The following RMDN3 variants were observed in gnomAD, a reference collection of about 807,000 sequenced individuals.
RMDN3 encodes the protein regulator of microtubule dynamics 3.
A neutral mutation model predicts 61.8 loss-of-function variants in RMDN3; 41 were observed. That is an observed-to-expected ratio of 0.66 (90% CI 0.52 to 0.86). RMDN3 has a LOEUF of 0.86. Ranked by LOEUF, RMDN3 falls within the 40% of genes least tolerant of loss-of-function variation. RMDN3 has a pLI of 0.00. For missense variants in RMDN3, 557 were observed against 585.3 expected, an observed-to-expected ratio of 0.95 and a Z score of 0.50; for synonymous variants, 247 against 232.0, an observed-to-expected ratio of 1.06 and a Z score of -0.59.
intron 5 of RMDN3, among the ~76,000 whole-genome samples, chr15:40,744,696 T>G (rs1036598231): frequency 6.6e-6 from 1 of 151,614 alleles, no homozygotes; most frequent in Non-Finnish European, 1.5e-5. Flanking sequence ...TAGAGCTCTT[T>G]CTGCAGTAGC....
intron 5 of RMDN3, 85 bp downstream of exon 5, chr15:40,744,892 C>CAATGT: frequency 7.1e-7 from 1 of 1,403,100 alleles, no homozygotes; most frequent in Non-Finnish European, 9.5e-7. Flanking sequence ...GCAGTAACCA[C>CAATGT]ACGGGCCTTC....
intron 6 of RMDN3, among the ~76,000 whole-genome samples, chr15:40,741,256 C>G (rs547523296): frequency 1.3e-5 from 2 of 152,088 alleles, no homozygotes; most frequent in East Asian, 3.9e-4. Flanking sequence ...ACCTGTAATC[C>G]TAGAACTTTG....
At chr15:40,740,108 C>A (rs139418925) in intron 7 of RMDN3, 25 bp downstream of exon 7, 2 of 1,551,900 alleles carry the variant, frequency 1.3e-6, no homozygotes, top group East Asian at 2.2e-5. Context: ...CTGGCTCTTC[C>A]CAGAACACTG....
At chr15:40,744,492 CTAACTTCTGGGG>C (rs1167500889) in intron 5 of RMDN3, among the ~76,000 whole-genome samples, 1 of 148,452 alleles carries the variant, frequency 6.7e-6, no homozygotes, top group Non-Finnish European at 1.5e-5. Context: ...AGGGAAACTT[CTAACTTCTGGGG>C]GGGGGGCATT....
chr15:40,735,898 T>G lies in RMDN3; in HGVS notation c.*643A>C, dbSNP rs556220109. 34 of 152,314 alleles carry G rather than the reference T, an allele frequency of 2.2e-4. No homozygotes were observed. The highest frequency in any genetic ancestry group is 7.9e-4 in the African/African-American group (33 of 41,568). The allele number at this position is 152,314 out of a possible 1,614,324, so 9.4% of individuals were successfully genotyped here. On this transcript the variant is annotated 3_prime_UTR_variant, in exon 13 of 13. Transcript: ENST00000338376. ...GAATAAAGAGCTGATAACATCAAAT[T>G]TGGTTTATTTCAAGTTTGTAACAAA...
rs1284700003 is a variant in RMDN3 at position 40,737,632 on chromosome 15, A to G, written c.1220T>C (p.Leu407Pro). Residue 407 changes from leucine (L) to proline (P), a missense_variant, in exon 10 of 13, where the codon CTA becomes CCA. By Grantham distance (98) the Leu-to-Pro change is moderately conservative (BLOSUM62 -3). Coordinates refer to ENST00000338376, the MANE Select transcript of RMDN3 (RefSeq NM_018145.3). Reference protein sequence around the residue: ...ATVEDALQSFLKAEELQPGFS... With the variant: ...ATVEDALQSFPKAEELQPGFS... ...TGCCACCTGCCCCTCTCATACCTTT[A>G]GGAAGCTCTGGAGGGCATCTTCCAC... 1 of 1,613,536 alleles carries G rather than the reference A, an allele frequency of 6.2e-7. No homozygotes were observed. The highest frequency in any genetic ancestry group is 8.5e-7 in the Non-Finnish European group (1 of 1,179,550).
chr15:40,740,632 C>G (rs1897243897), intron 6 of RMDN3, among the ~76,000 whole-genome samples: 1 of 151,552 alleles, frequency 6.6e-6, no homozygotes. Context: ...GGTGACAGAG[C>G]AAGACTGTCT....
Position 40,754,696 on chromosome 15 carries a change from G to A in RMDN3, c.88C>T (p.Leu30Phe). 2.5e-6 allele frequency: 4 copies of A among 1,614,098 alleles called. No individual in the cohort carries two copies. Among genetic ancestry groups the A allele is most frequent in the Non-Finnish European group, 3.4e-6 (4 of 1,180,006 alleles). ...TAAGLGFLCL[L>F]YSQRWKRTQR... ...GTCCGTTTCCATCGCTGGCTGTAAA[G>A]GAGGCACAGGAATCCAAGGCCGGCG... The change falls in exon 2 of 13, where the codon CTT becomes TTT. Residue 30 changes from leucine to phenylalanine, a missense_variant. Coordinates refer to ENST00000338376, the MANE Select transcript of RMDN3 (RefSeq NM_018145.3).
intron 6 of RMDN3, among the ~76,000 whole-genome samples, chr15:40,743,316 G>A (rs1187338095): frequency 6.6e-6 from 1 of 152,108 alleles, no homozygotes; most frequent in Non-Finnish European, 1.5e-5. Context: ...AGCTACTGGG[G>A]AGGCTGAGGC....
chr15:40,741,378 C>T (rs1401442875), intron 6 of RMDN3, among the ~76,000 whole-genome samples: 1 of 151,978 alleles, frequency 6.6e-6, no homozygotes, highest in Non-Finnish European at 1.5e-5. Context: ...CACGATCCAA[C>T]AATATTAATT....
chr15:40,738,123 A>T (rs1249703915), intron 8 of RMDN3, 81 bp from the exon 9 acceptor site: 38 of 1,398,370 alleles, frequency 2.7e-5, no homozygotes, highest in Non-Finnish European at 3.5e-5. Context: ...GCAGTGGCTC[A>T]TGCCTGTAAT....
At chr15:40,736,706 C>A in intron 12 of RMDN3, 112 bp from the exon 13 acceptor site, 1 of 864,968 alleles carries the variant, frequency 1.2e-6, no homozygotes, top group Non-Finnish European at 1.9e-6. Flanking sequence ...CTGCTACAGT[C>A]TTTTTCCTAC....
chr15:40,744,962 C>A lies in RMDN3; in HGVS notation c.807+15G>T. 1 of 1,575,854 alleles carries A rather than the reference C, an allele frequency of 6.3e-7. No individual in the cohort carries two copies. On this transcript the variant is annotated intron_variant, in intron 5 of 12. Transcript: ENST00000338376. ...AGGGAGGGAAGGAGAAGGAGACAGGCAGCTGGAGCCTCACCACCAGCTTGT... is the reference window on the plus strand; with the variant it reads ...AGGGAGGGAAGGAGAAGGAGACAGGAAGCTGGAGCCTCACCACCAGCTTGT...
intron 12 of RMDN3, among the ~76,000 whole-genome samples, 160 bp from the exon 13 acceptor site, chr15:40,736,754 T>C (rs1897066986): frequency 6.6e-6 from 1 of 152,212 alleles, no homozygotes; most frequent in Non-Finnish European, 1.5e-5. Flanking sequence ...AATCTGTCTC[T>C]TCCCCTAGAG....
intron 2 of RMDN3, among the ~76,000 whole-genome samples, 200 bp downstream of exon 2, chr15:40,754,397 C>A (rs1183848623): frequency 1.3e-5 from 2 of 152,240 alleles, no homozygotes; most frequent in African/African-American, 4.8e-5. Flanking sequence ...ATCCGCCCGC[C>A]TCGGCCTCCC....
intron 6 of RMDN3, among the ~76,000 whole-genome samples, chr15:40,742,274 C>A (rs1897315635): frequency 6.6e-6 from 1 of 150,572 alleles, no homozygotes; most frequent in African/African-American, 2.4e-5. Context: ...TCCCAAAGTG[C>A]TAGGATTATA....
At chr15:40,744,268 T>G (rs746830512) in intron 5 of RMDN3, 119 bp from the exon 6 acceptor site, 3 of 845,542 alleles carry the variant, frequency 3.5e-6, no homozygotes. Context: ...CAGTCATCAA[T>G]ATCAGGCCAG....
In RMDN3 at chr15:40,745,061, G is replaced by T. The variant is rs1415658540; in HGVS notation, c.723C>A (p.Leu241=). The T allele has an allele frequency of 6.2e-7, 1 of 1,614,002 alleles. No homozygotes were observed. The highest frequency in any genetic ancestry group is 8.5e-7 in the Non-Finnish European group (1 of 1,179,998). ...GSSGLEDVLP[L]LQQADELHRG... Reference sequence around the variant, plus strand: ...TGTGCAGCTCGTCGGCCTGCTGCAGGAGGGGCAGCACATCCTCCAAGCCTG... The same window carrying T: ...TGTGCAGCTCGTCGGCCTGCTGCAGTAGGGGCAGCACATCCTCCAAGCCTG... Residue 241 remains leucine, a synonymous_variant, in exon 5 of 13, where the codon CTC becomes CTA. Coordinates refer to ENST00000338376, the MANE Select transcript of RMDN3 (RefSeq NM_018145.3).
chr15:40,749,142 A>T (rs1897703910), intron 4 of RMDN3, among the ~76,000 whole-genome samples: 1 of 152,200 alleles, frequency 6.6e-6, no homozygotes, highest in Non-Finnish European at 1.5e-5. Context: ...ATCTCAGGTG[A>T]TCTACCTGCC....
Sources: gnomAD v4.1 joint callset for allele counts (sites outside exome capture counted in the v4.1 genomes callset) on GRCh38, gnomAD v4.1.1 for gene constraint, MANE v1.5 for transcripts, NCBI Gene and HGNC (gene_info 2026-07-23, HGNC 2026-07-21) for gene names.